Variants in EYA1 observed in about 807,000 individuals in gnomAD.
EYA1 encodes protein phosphatase EYA1.
EYA1 carries 16 observed loss-of-function variants against 82.0 expected under a neutral mutation model. That is an observed-to-expected ratio of 0.20 (90% CI 0.13 to 0.30). The LOEUF (loss-of-function observed/expected upper bound fraction) is 0.30. Ranked by LOEUF, EYA1 falls within the 10% of genes least tolerant of loss-of-function variation. The pLI, the probability that EYA1 is intolerant of heterozygous loss-of-function variation, is 1.00. For missense variants in EYA1, 633 were observed against 730.7 expected, an observed-to-expected ratio of 0.87 and a Z score of 1.54; for synonymous variants, 261 against 264.4, an observed-to-expected ratio of 0.99 and a Z score of 0.12.
intron 12 of EYA1, among the ~76,000 whole-genome samples, chr8:71,219,204 A>G (rs1809584524): frequency 6.6e-6 from 1 of 152,202 alleles, no homozygotes; most frequent in Non-Finnish European, 1.5e-5. Context: ...TGAGGACTTC[A>G]TTTGAAGTAT....
intron 2 of EYA1, among the ~76,000 whole-genome samples, chr8:71,390,268 ATTC>A (rs1829202005): frequency 6.7e-6 from 1 of 150,088 alleles, no homozygotes; most frequent in Non-Finnish European, 1.5e-5. Flanking sequence ...AAATTGGATA[ATTC>A]TTTTTTTTTT....
At chr8:71,395,199 G>A (rs964775606) in intron 2 of EYA1, among the ~76,000 whole-genome samples, 1 of 152,224 alleles carries the variant, frequency 6.6e-6, no homozygotes, top group Non-Finnish European at 1.5e-5. Flanking sequence ...GGGCTGAGAT[G>A]ATGGGGTTTT....
intron 7 of EYA1, among the ~76,000 whole-genome samples, chr8:71,307,970 T>C (rs1214442161): frequency 6.6e-6 from 1 of 152,224 alleles, no homozygotes; most frequent in Non-Finnish European, 1.5e-5. Context: ...TAACATCCTA[T>C]GGCTTTAGAG....
rs542225710 is a variant in EYA1, at chr8:71,337,048, C to T, written c.125-2874G>A. Among the ~76,000 whole-genome samples, 6 of 152,326 alleles carry T rather than the reference C, an allele frequency of 3.9e-5. No individual in the cohort carries two copies. The South Asian group carries it at 1.0e-3, about 26-fold the overall frequency. On this transcript the variant is annotated intron_variant, in intron 3 of 17. Coordinates refer to ENST00000340726, the MANE Select transcript of EYA1 (RefSeq NM_000503.6). ...ACCAAAATTTTATCCATCCCATTCC[C>T]ACTAGCACCACCACATTTATAAATA... is the stretch of plus-strand genomic sequence containing the variant.
At chr8:71,442,599 T>C (rs1806507190) in intron 2 of EYA1, among the ~76,000 whole-genome samples, 1 of 152,224 alleles carries the variant, frequency 6.6e-6, no homozygotes, top group Non-Finnish European at 1.5e-5. Flanking sequence ...CATCAAAACT[T>C]CTGAATTTGC....
intron 2 of EYA1, among the ~76,000 whole-genome samples, chr8:71,446,566 T>C (rs1446038829): frequency 6.6e-6 from 1 of 152,230 alleles, no homozygotes; most frequent in Non-Finnish European, 1.5e-5. Context: ...GAAATTCCAC[T>C]ATTGAAGCAT....
chr8:71,204,470 C>T (rs2128813841), intron 17 of EYA1, among the ~76,000 whole-genome samples: 1 of 152,350 alleles, frequency 6.6e-6, no homozygotes, highest in African/African-American at 2.4e-5. Flanking sequence ...TACAGATGCA[C>T]TTGCACATGC....
At chr8:71,417,938 TGA>T (rs1830943871) in intron 2 of EYA1, among the ~76,000 whole-genome samples, 2 of 152,240 alleles carry the variant, frequency 1.3e-5, no homozygotes, top group Non-Finnish European at 2.9e-5. Flanking sequence ...GAAATCATCC[TGA>T]ATGCCTCTGT....
chr8:71,494,022 C>CAAA (rs34340467), intron 2 of EYA1, among the ~76,000 whole-genome samples: 2,784 of 41,654 alleles, frequency 0.067, 380 homozygotes, highest in Non-Finnish European at 0.11. Flanking sequence ...GACTCCGTCT[C>CAAA]AAAAAAAAAA....
chr8:71,430,759 G>A (rs1805558520), intron 2 of EYA1, among the ~76,000 whole-genome samples: 1 of 152,160 alleles, frequency 6.6e-6, no homozygotes, highest in South Asian at 2.1e-4. Context: ...AGAAGCCAGA[G>A]GGTAAGAATG....
intron 2 of EYA1, among the ~76,000 whole-genome samples, chr8:71,474,249 A>G (rs1809475757): frequency 6.6e-6 from 1 of 152,034 alleles, no homozygotes; most frequent in Non-Finnish European, 1.5e-5. Context: ...GAGAAGGAAG[A>G]AGAAGAAGAA....
intron 17 of EYA1, among the ~76,000 whole-genome samples, chr8:71,208,126 T>C (rs919080198): frequency 5.3e-5 from 8 of 152,160 alleles, no homozygotes; most frequent in Admixed American, 2.6e-4. Context: ...TCAGCCTGTT[T>C]CCAGTATAAA....
intron 2 of EYA1, among the ~76,000 whole-genome samples, chr8:71,420,437 GTAACTACATCCATAA>G (rs1249629389): frequency 6.6e-6 from 1 of 152,012 alleles, no homozygotes; most frequent in Non-Finnish European, 1.5e-5. Flanking sequence ...AAAAGACAAA[GTAACTACATCCATAA>G]TATTACACAG....
intron 2 of EYA1, among the ~76,000 whole-genome samples, chr8:71,417,846 C>T (rs1254258218): frequency 6.6e-6 from 1 of 152,182 alleles, no homozygotes; most frequent in Non-Finnish European, 1.5e-5. Context: ...AACTCAAATT[C>T]CACTCTTCCT....
At chr8:71,204,071 C>G (rs1416958099) in intron 17 of EYA1, 1 of 152,172 alleles carries the variant, frequency 6.6e-6, no homozygotes, top group Non-Finnish European at 1.5e-5. Flanking sequence ...ACAGAAATGA[C>G]AGCTGGAACT....
In EYA1 at chr8:71,535,683, A is replaced by G. The variant is rs1331704111; in HGVS notation, c.33+61T>C. 4.1e-6 allele frequency: 5 copies of G among 1,220,112 alleles called. No individual in the cohort carries two copies. In the East Asian group the frequency reaches 1.3e-4, roughly 32 times the overall value. 75.6% of individuals were successfully genotyped at this position (1,220,112 alleles called of 1,614,324 possible). A position where few individuals can be genotyped will look rare whatever the true frequency, so the allele number is the denominator to read the frequency against. On this transcript the variant is annotated intron_variant, in intron 2 of 18. Coordinates refer to the EYA1 transcript ENST00000643681. ...TCCAGATACTCGGGTTACAATAAAA[A>G]TGCCATGATGATTTTAAAAGTAATA...
chr8:71,415,978 A>G (rs1255678080), intron 2 of EYA1, among the ~76,000 whole-genome samples: 4 of 152,136 alleles, frequency 2.6e-5, no homozygotes, highest in Non-Finnish European at 2.9e-5. Context: ...TGTTTGGAGG[A>G]TGTGCTCACT....
chr8:71,322,997 G>T (rs947361560), intron 4 of EYA1, among the ~76,000 whole-genome samples: 4 of 151,960 alleles, frequency 2.6e-5, no homozygotes, highest in Non-Finnish European at 1.5e-5. Context: ...TCTTAATCAC[G>T]TTTACTTGAT....
chr8:71,305,707 A>AT lies in EYA1; in HGVS notation c.557-5988dup, dbSNP rs200331117. Among the ~76,000 whole-genome samples, 865 of 149,540 alleles carry AT rather than the reference A, an allele frequency of 5.8e-3. 12 individuals carry two copies. The highest frequency in any genetic ancestry group is 0.016 in the African/African-American group (652 of 40,866). Reference sequence around the variant, plus strand: ...AACAATCATAGTCATGGTTATTATTATTTTTTTTTTGACATGGAGGGGAGA... The same window carrying AT: ...AACAATCATAGTCATGGTTATTATTATTTTTTTTTTTGACATGGAGGGGAGA... On this transcript the variant is annotated intron_variant, in intron 7 of 17. Coordinates refer to ENST00000340726, the MANE Select transcript of EYA1 (RefSeq NM_000503.6).
Sources: gnomAD v4.1 joint callset for allele counts (sites outside exome capture counted in the v4.1 genomes callset) on GRCh38, gnomAD v4.1.1 for gene constraint, MANE v1.5 for transcripts, NCBI Gene and HGNC (gene_info 2026-07-23, HGNC 2026-07-21) for gene names.